PRORP: variants seen among roughly 807,000 people sequenced by gnomAD.
The protein encoded by PRORP is mitochondrial ribonuclease P catalytic subunit.
In PRORP, 51 loss-of-function variants were observed where a neutral mutation model predicts 59.4. The observed-to-expected ratio is 0.86, with a 90% CI of 0.69 to 1.08. The LOEUF (loss-of-function observed/expected upper bound fraction) is 1.08. PRORP is among the 50% of genes least tolerant of loss of function. The pLI, the probability that PRORP is intolerant of heterozygous loss-of-function variation, is 0.00. For missense variants in PRORP, 646 were observed against 690.3 expected (o/e 0.94, Z 0.72); for synonymous variants, 231 against 245.6 (o/e 0.94, Z 0.55).
At chr14:35,226,671 G>A (rs1348795873) in intron 5 of PRORP, among the ~76,000 whole-genome samples, 1 of 152,120 alleles carries the variant, frequency 6.6e-6, no homozygotes, top group African/African-American at 2.4e-5. Flanking sequence ...GATTTGAGGA[G>A]AAAGATAAAA....
intron 4 of PRORP, among the ~76,000 whole-genome samples, chr14:35,174,599 G>A (rs1430805393): frequency 1.3e-5 from 2 of 152,040 alleles, no homozygotes; most frequent in African/African-American, 2.4e-5. Flanking sequence ...GTAAATAAAA[G>A]CCTCTTAATG....
Position 35,184,423 on chromosome 14 carries a change from G to C in PRORP, c.1275+3646G>C, listed in dbSNP as rs139320960. Among the ~76,000 whole-genome samples the C allele has an allele frequency of 4.5e-4, 69 of 152,234 alleles. No individual in the cohort carries two copies. The East Asian group carries it at 0.012, about 27-fold the overall frequency. ...TATTGGTGACTGTCATTGCCTGGGTGTGTACAGAATTAGCTATACATTGCC... is the reference window on the plus strand; with the variant it reads ...TATTGGTGACTGTCATTGCCTGGGTCTGTACAGAATTAGCTATACATTGCC... On this transcript the variant is annotated intron_variant, in intron 5 of 7. Coordinates refer to ENST00000534898, the MANE Select transcript of PRORP (RefSeq NM_014672.4).
At position 35,175,593 on chromosome 14, in the gene PRORP, T is replaced by TG. The variant is rs200939732; in HGVS notation, c.1168-5077_1168-5076insG. Among the ~76,000 whole-genome samples, 14 of 148,532 alleles carry TG rather than the reference T, an allele frequency of 9.4e-5. No homozygotes were observed. The East Asian group carries it at 9.9e-4, about 10-fold the overall frequency. On this transcript the variant is annotated intron_variant, in intron 4 of 7. Transcript: ENST00000534898. ...TTGCCCACTTTTTGATGGGGTTGTT[T>TG]TTTTTCTTGTAAATTTGTTAGAGTT... is the stretch of plus-strand genomic sequence containing the variant.
rs547317855 is a variant in PRORP at position 35,142,929 on chromosome 14, C to A, written c.1167+15318C>A. On this transcript the variant is annotated intron_variant, in intron 4 of 7. Transcript: ENST00000534898. ...GCCCTGAGCTCAAGTGATCCTCTTG[C>A]CTTGGCTTCCCGAAGTGCTGGGATT... Among the ~76,000 whole-genome samples, 37 of 145,378 alleles carry A rather than the reference C, an allele frequency of 2.5e-4. 3 individuals carry two copies. The South Asian group carries it at 8.3e-3, about 33-fold the overall frequency.
chr14:35,174,750 C>A (rs201449937), intron 4 of PRORP, among the ~76,000 whole-genome samples: 1 of 132,316 alleles, frequency 7.6e-6, no homozygotes, highest in African/African-American at 3.1e-5. Flanking sequence ...TTTTTTTTTT[C>A]TTTTTTTTTT....
chr14:35,173,399 C>T (rs914016825), intron 4 of PRORP, among the ~76,000 whole-genome samples: 2 of 152,182 alleles, frequency 1.3e-5, no homozygotes, highest in Non-Finnish European at 2.9e-5. Flanking sequence ...TGGGTAGCAG[C>T]TGAGATCTCT....
At chr14:35,217,654 G>A (rs889271423) in intron 5 of PRORP, among the ~76,000 whole-genome samples, 1 of 151,614 alleles carries the variant, frequency 6.6e-6, no homozygotes, top group African/African-American at 2.4e-5. Flanking sequence ...TCACTTTTTG[G>A]TATATGGATA....
At chr14:35,230,050 CTTT>C (rs35309046) in intron 5 of PRORP, among the ~76,000 whole-genome samples, 69 of 109,112 alleles carry the variant, frequency 6.3e-4, no homozygotes, top group African/African-American at 1.6e-3. Flanking sequence ...ACTGTAAATT[CTTT>C]TTTTTTTTTT....
intron 5 of PRORP, among the ~76,000 whole-genome samples, chr14:35,206,251 A>C (rs2049291521): frequency 6.6e-6 from 1 of 152,108 alleles, no homozygotes; most frequent in African/African-American, 2.4e-5. Flanking sequence ...TTTGTTTTTC[A>C]TATCCCTGAA....
At chr14:35,259,049 G>A (rs1414089749) in intron 5 of PRORP, among the ~76,000 whole-genome samples, 2 of 152,220 alleles carry the variant, frequency 1.3e-5, no homozygotes, top group African/African-American at 4.8e-5. Context: ...AGAGAGGAGT[G>A]TTGAGGTTTC....
intron 6 of PRORP, among the ~76,000 whole-genome samples, chr14:35,268,360 AAAAC>A: frequency 6.6e-6 from 1 of 151,450 alleles, no homozygotes; most frequent in Non-Finnish European, 1.5e-5. Flanking sequence ...AAAAAAAAAA[AAAAC>A]AACCCACAAA....
chr14:35,180,138 C>T (rs1595253136), intron 4 of PRORP, among the ~76,000 whole-genome samples: 3 of 152,162 alleles, frequency 2.0e-5, no homozygotes, highest in East Asian at 3.9e-4. Context: ...GTCAGTCTGC[C>T]CCTACTTGGG....
intron 5 of PRORP, among the ~76,000 whole-genome samples, chr14:35,188,198 T>TTTC (rs1268871206): frequency 2.0e-5 from 3 of 149,270 alleles, no homozygotes; most frequent in African/African-American, 7.4e-5. Flanking sequence ...GTAATTTTTT[T>TTTC]TTTTTTTTTT....
rs1439912209 is a variant in PRORP at position 35,137,104 on chromosome 14, T to TTA, written c.1167+9496_1167+9497dup. Among the ~76,000 whole-genome samples the TTA allele has an allele frequency of 1.4e-5, 2 of 145,592 alleles. 1 individual carries two copies. Among genetic ancestry groups the TTA allele is most frequent in the Non-Finnish European group, 3.1e-5 (2 of 65,548 alleles). ...TTAATGGGGGCCAAATTCAGCCAGG[T>TTA]TATAGCAGCTGAGTGAATACCCATT... On this transcript the variant is annotated intron_variant, in intron 4 of 7. Transcript: ENST00000534898.
intron 5 of PRORP, among the ~76,000 whole-genome samples, chr14:35,212,078 G>T (rs1046455559): frequency 1.3e-5 from 2 of 152,070 alleles, no homozygotes; most frequent in Non-Finnish European, 2.9e-5. Flanking sequence ...CATTTTCTTT[G>T]TTTCTCCATA....
chr14:35,254,568 T>A (rs2050700445), intron 5 of PRORP, among the ~76,000 whole-genome samples: 1 of 152,148 alleles, frequency 6.6e-6, no homozygotes, highest in Non-Finnish European at 1.5e-5. Context: ...AATTTTGTAT[T>A]TTTAGTAGAG....
intron 5 of PRORP, among the ~76,000 whole-genome samples, chr14:35,214,008 T>C (rs894276323): frequency 2.6e-5 from 4 of 152,250 alleles, no homozygotes; most frequent in African/African-American, 9.6e-5. Context: ...TGTATACCTG[T>C]ATCATATTCC....
At chr14:35,171,472 A>G (rs907023284) in intron 4 of PRORP, among the ~76,000 whole-genome samples, 1 of 152,026 alleles carries the variant, frequency 6.6e-6, no homozygotes, top group African/African-American at 2.4e-5. Context: ...CCTTTTAAAG[A>G]TGTTCTCTGG....
intron 4 of PRORP, among the ~76,000 whole-genome samples, chr14:35,127,893 C>T (rs1040214886): frequency 1.3e-4 from 20 of 152,264 alleles, no homozygotes; most frequent in African/African-American, 3.1e-4. Flanking sequence ...TTTAGAATTT[C>T]GTAGAATAAT....
Sources: gnomAD v4.1 joint callset for allele counts (sites outside exome capture counted in the v4.1 genomes callset) on GRCh38, gnomAD v4.1.1 for gene constraint, MANE v1.5 for transcripts, NCBI Gene and HGNC (gene_info 2026-07-23, HGNC 2026-07-21) for gene names.